Variants in POTEJ observed in about 807,000 individuals in gnomAD.
POTEJ encodes POTE ankyrin domain family, member J.
A neutral mutation model predicts 69.0 loss-of-function variants in POTEJ; 11 were observed. The ratio of observed to expected loss-of-function variants is 0.16; its 90% CI spans 0.10 to 0.26. The LOEUF is 0.26. Among genes scored for constraint, POTEJ ranks in the 10% least tolerant of loss-of-function variants. The probability of loss-of-function intolerance (pLI) is 1.00; values close to 1 mark genes in which losing one functional copy is unlikely to be tolerated. For missense variants in POTEJ, 327 were observed against 1,045.5 expected, an observed-to-expected ratio of 0.31 and a Z score of 9.48; for synonymous variants, 117 against 381.1, an observed-to-expected ratio of 0.31 and a Z score of 8.07.
At chr2:130,624,801 T>C (rs1176268987) in intron 6 of POTEJ, among the ~76,000 whole-genome samples, 2 of 152,090 alleles carry the variant, frequency 1.3e-5, no homozygotes. Flanking sequence ...AAGGTCTCAC[T>C]ATTACTGACT....
chr2:130,638,065 A>G (rs1282156805), intron 9 of POTEJ, among the ~76,000 whole-genome samples: 2 of 148,758 alleles, frequency 1.3e-5, no homozygotes, highest in African/African-American at 4.9e-5. Context: ...ACGTTTCCTG[A>G]AAACTACAAC....
chr2:130,637,563 G>A (rs1175021094), intron 9 of POTEJ, among the ~76,000 whole-genome samples: 1 of 152,076 alleles, frequency 6.6e-6, no homozygotes, highest in Non-Finnish European at 1.5e-5. Context: ...AAGCAGAATG[G>A]GTGCCACAAA....
chr2:130,612,744 C>A (rs1573965733), intron 1 of POTEJ, among the ~76,000 whole-genome samples: 5 of 102,326 alleles, frequency 4.9e-5, no homozygotes, highest in Admixed American at 2.9e-4. Flanking sequence ...GCCTGGGAGA[C>A]AGAGCGAGAT....
intron 1 of POTEJ, among the ~76,000 whole-genome samples, chr2:130,613,358 A>T: frequency 7.4e-6 from 1 of 134,794 alleles, no homozygotes; most frequent in East Asian, 2.1e-4. Flanking sequence ...GTGTGTATAT[A>T]TATACATATA....
chr2:130,647,320 A>G (rs1293322059), intron 13 of POTEJ, among the ~76,000 whole-genome samples: 2 of 151,316 alleles, frequency 1.3e-5, no homozygotes, highest in South Asian at 2.1e-4. Flanking sequence ...CAAGATTGCT[A>G]GTTACTAAAT....
chr2:130,641,010 A>G lies in POTEJ; in HGVS notation c.1369+2321A>G, dbSNP rs1376319058. Among the ~76,000 whole-genome samples, 9 of 151,970 alleles carry G rather than the reference A, an allele frequency of 5.9e-5. No homozygotes were observed. In the East Asian group the frequency reaches 1.5e-3, roughly 26 times the overall value. On this transcript the variant is annotated intron_variant, in intron 10 of 14. Transcript: ENST00000409602. Reference sequence around the variant, plus strand: ...GGTTAGCAGGCTTTTTCTTTAAAGGACCAGGTGGGCAATATTTTAGACTAT... The same window carrying G: ...GGTTAGCAGGCTTTTTCTTTAAAGGGCCAGGTGGGCAATATTTTAGACTAT...
chr2:130,613,384 G>A (rs112675818), intron 1 of POTEJ, among the ~76,000 whole-genome samples: 9,688 of 74,054 alleles, frequency 0.13, 32 homozygotes, highest in Admixed American at 0.15. Flanking sequence ...GTGTGTGTGT[G>A]TATATATATA....
chr2:130,655,330 C>G (rs1460102513), intron 14 of POTEJ, among the ~76,000 whole-genome samples: 5 of 152,192 alleles, frequency 3.3e-5, no homozygotes, highest in African/African-American at 7.3e-5. Flanking sequence ...ATAAGTTTTG[C>G]TACTGAAAAC....
rs750795969 is a variant in POTEJ at position 130,657,544 on chromosome 2, C to T, written c.2784C>T (p.Cys928=). 4 of 1,564,148 alleles carry T rather than the reference C, an allele frequency of 2.6e-6. 1 individual carries two copies. Among genetic ancestry groups the T allele is most frequent in the East Asian group, 2.2e-5 (1 of 44,780 alleles). The change falls in exon 15 of 15, where the codon TGC becomes TGT. Residue 928 remains cysteine, a synonymous_variant. Coordinates refer to ENST00000409602, the MANE Select transcript of POTEJ (RefSeq NM_001277083.2). The stretch of plus-strand genomic sequence containing the variant: ...GCCCCGAGGCGCTCTTCCAGCCTTG[C>T]TTCCTGGGCATGGAATCCTGTGGCA... ...FRCPEALFQP[C]FLGMESCGIH...
chr2:130,614,419 C>A (rs1399227555), intron 1 of POTEJ, among the ~76,000 whole-genome samples: 2 of 144,980 alleles, frequency 1.4e-5, no homozygotes, highest in South Asian at 2.2e-4. Context: ...TTTAGAAGAA[C>A]CCATATAAAG....
chr2:130,611,104 T>C (rs1213415424), upstream of POTEJ, among the ~76,000 whole-genome samples: 1 of 149,846 alleles, frequency 6.7e-6, no homozygotes, highest in Non-Finnish European at 1.5e-5. Flanking sequence ...CGCGGGTAAC[T>C]GCTTGGCTGG....
intron 13 of POTEJ, among the ~76,000 whole-genome samples, chr2:130,647,141 T>TA (rs1258999575): frequency 2.0e-5 from 3 of 150,930 alleles, no homozygotes; most frequent in East Asian, 1.9e-4. Context: ...GCAACCATTT[T>TA]AAAAAAATGA....
chr2:130,656,224 CA>C (rs1686980889), intron 14 of POTEJ, among the ~76,000 whole-genome samples: 1 of 143,094 alleles, frequency 7.0e-6, no homozygotes, highest in African/African-American at 2.6e-5. Flanking sequence ...TTTTGTAACT[CA>C]GAAAAAGGCT....
rs773433103 is a variant in POTEJ at position 130,657,385 on chromosome 2, C to T, written c.2625C>T (p.Ile875=). ...TMAEREIVRD[I]KEKLCYVALD... ...CCGAGCGGGAAATCGTGCGTGACATCAAAGAGAAGCTGTGCTATGTTGCCC... is the reference window on the plus strand; with the variant it reads ...CCGAGCGGGAAATCGTGCGTGACATTAAAGAGAAGCTGTGCTATGTTGCCC... Residue 875 remains isoleucine (I), a synonymous_variant, in exon 15 of 15, where the codon ATC becomes ATT. Coordinates refer to ENST00000409602, the MANE Select transcript of POTEJ (RefSeq NM_001277083.2). 9 of 1,584,262 alleles carry T rather than the reference C, an allele frequency of 5.7e-6. 1 individual carries two copies. The African/African-American group carries it at 1.0e-4, about 18-fold the overall frequency.
chr2:130,643,550 T>G (rs1346222660), intron 10 of POTEJ, among the ~76,000 whole-genome samples: 5 of 144,082 alleles, frequency 3.5e-5, no homozygotes, highest in East Asian at 1.9e-4. Flanking sequence ...GAAAATAAAT[T>G]TGTCAGAATA....
chr2:130,633,806 AC>A (rs1685991467), intron 9 of POTEJ, among the ~76,000 whole-genome samples: 1 of 141,214 alleles, frequency 7.1e-6, no homozygotes, highest in African/African-American at 2.8e-5. Context: ...ATTGGGTAAA[AC>A]TTTTATTAAA....
chr2:130,636,477 T>C (rs536942438), intron 9 of POTEJ, among the ~76,000 whole-genome samples: 3 of 145,608 alleles, frequency 2.1e-5, no homozygotes, highest in East Asian at 1.9e-4. Context: ...GTTTTTTGTA[T>C]TAGAAAAAAA....
At chr2:130,649,661 C>T (rs1432928578) in intron 13 of POTEJ, among the ~76,000 whole-genome samples, 8 of 152,128 alleles carry the variant, frequency 5.3e-5, no homozygotes, top group Non-Finnish European at 1.0e-4. Context: ...CTCCTAATAA[C>T]TGAAAGGCAG....
intron 1 of POTEJ, among the ~76,000 whole-genome samples, chr2:130,613,302 A>G (rs1428949006): frequency 7.5e-5 from 9 of 120,800 alleles, no homozygotes; most frequent in Admixed American, 3.2e-4. Context: ...ATATATACAT[A>G]TGTATATATA....
Sources: gnomAD v4.1 joint callset for allele counts (sites outside exome capture counted in the v4.1 genomes callset) on GRCh38, gnomAD v4.1.1 for gene constraint, MANE v1.5 for transcripts, NCBI Gene and HGNC (gene_info 2026-07-23, HGNC 2026-07-21) for gene names.